The following UTP20 variants were observed in gnomAD, a reference collection of about 807,000 sequenced individuals.
UTP20 encodes small subunit processome component 20 homolog.
In UTP20, 164 loss-of-function variants were observed where a neutral mutation model predicts 329.5. The ratio of observed to expected loss-of-function variants is 0.50; its 90% CI spans 0.44 to 0.57. UTP20 has a LOEUF of 0.57. Among genes scored for constraint, UTP20 ranks in the 20% least tolerant of loss-of-function variants. The pLI, the probability that UTP20 is intolerant of heterozygous loss-of-function variation, is 0.00. For synonymous variants in UTP20, 1,151 were observed against 1,159.3 expected (o/e 0.99, Z 0.14); for missense variants, 3,055 against 3,284.2 (o/e 0.93, Z 1.71).
chr12:101,357,254 T>C (rs1447282595), intron 43 of UTP20, among the ~76,000 whole-genome samples, 172 bp downstream of exon 43: 1 of 152,244 alleles, frequency 6.6e-6, no homozygotes, highest in Non-Finnish European at 1.5e-5. Context: ...GTTGTTTAAA[T>C]AGTTCCTATA....
intron 21 of UTP20, among the ~76,000 whole-genome samples, chr12:101,316,251 T>C (rs1190987804): frequency 6.6e-6 from 1 of 152,166 alleles, no homozygotes; most frequent in Non-Finnish European, 1.5e-5. Flanking sequence ...AGCATCCCAA[T>C]AAAAGGTGAC....
At position 101,312,187 on chromosome 12, in the gene UTP20, A is replaced by G; in HGVS notation, c.2463A>G (p.Arg821=). The G allele has an allele frequency of 6.2e-7, 1 of 1,614,212 alleles. No individual in the cohort carries two copies. Among genetic ancestry groups the G allele is most frequent in the Non-Finnish European group, 8.5e-7 (1 of 1,180,038 alleles). The stretch of plus-strand genomic sequence containing the variant: ...AAAGACTTGACCACACCAACTTCAG[A>G]TTCCTGCTCTGGAGAGCTCTGACCA... ...CQERLDHTNF[R]FLLWRALTKF... is the part of the protein sequence containing the mutation. The change falls in exon 21 of 62, where the codon AGA becomes AGG. Residue 821 remains arginine (R), a synonymous_variant. Coordinates refer to ENST00000261637, the MANE Select transcript of UTP20 (RefSeq NM_014503.3).
At position 101,306,271 on chromosome 12, in the gene UTP20, C is replaced by G. The variant is rs374803043; in HGVS notation, c.1932+206C>G. On this transcript the variant is annotated intron_variant, in intron 16 of 61. Coordinates refer to ENST00000261637, the MANE Select transcript of UTP20 (RefSeq NM_014503.3). ...TAAAAATACAAATTCTGGGTCCCTA[C>G]CCTCAAAGATTCCAATTCAGTAGGG... is the stretch of plus-strand genomic sequence containing the variant. Among the ~76,000 whole-genome samples, 291 of 151,862 alleles carry G rather than the reference C, an allele frequency of 1.9e-3. 2 individuals are homozygous for G. The highest frequency in any genetic ancestry group is 6.7e-3 in the African/African-American group (277 of 41,416).
chr12:101,314,059 C>T (rs1187784367), intron 21 of UTP20, among the ~76,000 whole-genome samples: 1 of 152,096 alleles, frequency 6.6e-6, no homozygotes, highest in East Asian at 1.9e-4. Flanking sequence ...ATAAAGTCAT[C>T]TAGAGTGTGA....
At chr12:101,310,273 A>G (rs1222903978) in intron 19 of UTP20, among the ~76,000 whole-genome samples, 1 of 152,122 alleles carries the variant, frequency 6.6e-6, no homozygotes, top group African/African-American at 2.4e-5. Flanking sequence ...TTCAGTGGTC[A>G]CATAGAAAAT....
chr12:101,286,373 C>G lies in UTP20; in HGVS notation c.379C>G (p.Pro127Ala). The G allele has an allele frequency of 6.2e-7, 1 of 1,613,618 alleles. No homozygotes were observed. Among genetic ancestry groups the G allele is most frequent in the Non-Finnish European group, 8.5e-7 (1 of 1,179,796 alleles). ...DLQMDFYPHF[P>A]EFFLTITSIL... ...GCAGATGGATTTCTACCCACACTTTCCAGAGTTTTTTTTGACTATCACCTC... is the reference window on the plus strand; with the variant it reads ...GCAGATGGATTTCTACCCACACTTTGCAGAGTTTTTTTTGACTATCACCTC... The change falls in exon 5 of 62, where the codon CCA becomes GCA. Residue 127 changes from proline to alanine, a missense_variant. Pro to Ala is a conservative substitution (Grantham distance 27). Around this residue, in one of 3 missense-constraint regions of UTP20, gnomAD observed 2,445 missense variants for 2,575.5 expected, o/e 0.95. Coordinates refer to ENST00000261637, the MANE Select transcript of UTP20 (RefSeq NM_014503.3).
intron 14 of UTP20, among the ~76,000 whole-genome samples, chr12:101,300,812 G>A (rs376284821): frequency 3.3e-5 from 5 of 152,196 alleles, no homozygotes; most frequent in South Asian, 4.1e-4. Context: ...AAGTGGACTC[G>A]CCGCATGTCA....
chr12:101,319,747 A>G, intron 23 of UTP20, 112 bp downstream of exon 23: 1 of 813,248 alleles, frequency 1.2e-6, no homozygotes, highest in South Asian at 1.8e-5. Flanking sequence ...CCATGTCTAC[A>G]TTTTAAGTAT....
At chr12:101,303,994 C>T (rs1872591701) in intron 15 of UTP20, among the ~76,000 whole-genome samples, 1 of 152,162 alleles carries the variant, frequency 6.6e-6, no homozygotes, top group South Asian at 2.1e-4. Flanking sequence ...TTGGTATAAA[C>T]AATTGAAGGT....
At chr12:101,355,375 G>C (rs2120979780) in intron 41 of UTP20, among the ~76,000 whole-genome samples, 1 of 152,290 alleles carries the variant, frequency 6.6e-6, no homozygotes, top group East Asian at 1.9e-4. Context: ...TAGTTATTAA[G>C]AGACTCCCAT....
intron 12 of UTP20, among the ~76,000 whole-genome samples, chr12:101,298,332 A>G (rs1872424431): frequency 6.6e-6 from 1 of 152,214 alleles, no homozygotes; most frequent in Non-Finnish European, 1.5e-5. Context: ...GAGAGGGGTC[A>G]CTTTCCAGAG....
At chr12:101,338,744 A>G (rs1869020174) in intron 30 of UTP20, 69 bp from the exon 31 acceptor site, 3 of 1,340,274 alleles carry the variant, frequency 2.2e-6, no homozygotes, top group African/African-American at 1.5e-5. Context: ...TCTTATCATC[A>G]TGAAGATTTT....
At chr12:101,287,328 T>C (rs1208472477) in intron 5 of UTP20, among the ~76,000 whole-genome samples, 2 of 152,264 alleles carry the variant, frequency 1.3e-5, no homozygotes, top group African/African-American at 4.8e-5. Flanking sequence ...TTTGGTCAAA[T>C]ATGTTAGAAA....
chr12:101,381,386 T>A (rs902499624), intron 58 of UTP20, among the ~76,000 whole-genome samples, 175 bp downstream of exon 58: 3 of 151,988 alleles, frequency 2.0e-5, no homozygotes, highest in Non-Finnish European at 4.4e-5. Flanking sequence ...TACAAAAAAA[T>A]TAGCAGGGCA....
At chr12:101,327,018 A>G (rs1379285696) in intron 25 of UTP20, 63 bp from the exon 26 acceptor site, 2 of 1,519,686 alleles carry the variant, frequency 1.3e-6, no homozygotes, top group Non-Finnish European at 8.9e-7. Context: ...CCTTTTAGGC[A>G]AATAAAACAA....
chr12:101,372,958 A>G lies in UTP20; in HGVS notation c.6873A>G (p.Gln2291=). Residue 2291 remains glutamine, a synonymous_variant, in exon 52 of 62, where the codon CAA becomes CAG. Transcript: ENST00000261637. ...LRPNLEFMLA[Q]LNYEHETGRE... ...CAAACTTGGAATTCATGCTCGCTCA[A>G]CTGAAGTAAGCTTAAGCTATTAACT... is the stretch of plus-strand genomic sequence containing the variant. 1.9e-6 allele frequency: 3 copies of G among 1,613,752 alleles called. No individual in the cohort carries two copies. The highest frequency in any genetic ancestry group is 1.1e-5 in the South Asian group (1 of 91,076).
intron 56 of UTP20, among the ~76,000 whole-genome samples, chr12:101,376,120 A>G (rs769674422): frequency 1.4e-4 from 21 of 152,280 alleles, no homozygotes; most frequent in East Asian, 3.9e-4. Flanking sequence ...CTTGTGGTCT[A>G]TATTTCCATC....
chr12:101,386,211 CG>C lies in UTP20; in HGVS notation c.*89del, dbSNP rs1167440069. Reference sequence around the variant, plus strand: ...TAGGTTGTCTGGGGTAGGGGGGAGGCGTTTTTTTTTTTTTTTGAGACAAGGT... The same window carrying C: ...TAGGTTGTCTGGGGTAGGGGGGAGGCTTTTTTTTTTTTTTTGAGACAAGGT... On this transcript the variant is annotated 3_prime_UTR_variant, in exon 62 of 62. Coordinates refer to ENST00000261637, the MANE Select transcript of UTP20 (RefSeq NM_014503.3). 167 of 1,153,254 alleles carry C rather than the reference CG, an allele frequency of 1.4e-4. No homozygotes were observed. The South Asian group carries it at 1.5e-3, about 11-fold the overall frequency. 71.4% of individuals were successfully genotyped at this position (1,153,254 alleles called of 1,614,324 possible). A position where few individuals can be genotyped will look rare whatever the true frequency, so the allele number is the denominator to read the frequency against.
In UTP20 at chr12:101,311,790, C is replaced by T. The variant is rs755453169; in HGVS notation, c.2303C>T (p.Thr768Met). 9.9e-6 allele frequency: 16 copies of T among 1,611,570 alleles called. No individual in the cohort carries two copies. Among genetic ancestry groups the T allele is most frequent in the Admixed American group, 8.4e-5 (5 of 59,622 alleles). ...TATGAGCATCTAGAAAAAGCAGCTA[C>T]GCATGCTGGTATGTAAAGGGGTTGT... ...VYYEHLEKAA[T>M]HAEKELQNDM... The change falls in exon 20 of 62, where the codon ACG (threonine) becomes ATG (methionine). Residue 768 changes from threonine (T) to methionine (M), a missense_variant. This residue lies in a region of UTP20 where 2,445 missense variants were observed against 2,575.5 expected (regional missense o/e 0.95). Transcript: ENST00000261637.
Sources: allele counts gnomAD v4.1 joint callset (sites outside exome capture counted in the v4.1 genomes callset), GRCh38; gene constraint gnomAD v4.1.1; regional missense constraint gnomAD v4.1.1; transcripts MANE v1.5; gene names NCBI Gene and HGNC (gene_info 2026-07-23, HGNC 2026-07-21).